Variants in FBXL7 observed in about 807,000 individuals in gnomAD.
The protein encoded by FBXL7 is F-box/LRR-repeat protein 7.
Under a neutral mutation model 38.3 loss-of-function variants are expected in FBXL7, and 12 were observed. That is an observed-to-expected ratio of 0.31 (90% CI 0.20 to 0.51). The LOEUF (loss-of-function observed/expected upper bound fraction) is 0.51. Ranked by LOEUF, FBXL7 falls within the 20% of genes least tolerant of loss-of-function variation. The probability of loss-of-function intolerance (pLI) is 0.98; values close to 1 mark genes in which losing one functional copy is unlikely to be tolerated. For synonymous variants in FBXL7, 297 were observed against 300.9 expected, an observed-to-expected ratio of 0.99 and a Z score of 0.13; for missense variants, 567 against 676.4, an observed-to-expected ratio of 0.84 and a Z score of 1.79.
intron 2 of FBXL7, among the ~76,000 whole-genome samples, chr5:15,725,926 T>C (rs1478073283): frequency 6.6e-6 from 1 of 152,198 alleles, no homozygotes; most frequent in Admixed American, 6.5e-5. Flanking sequence ...TACTGACTTA[T>C]CCTGTCTGGT....
At chr5:15,653,275 T>G (rs1741770679) in intron 2 of FBXL7, among the ~76,000 whole-genome samples, 1 of 152,204 alleles carries the variant, frequency 6.6e-6, no homozygotes, top group Admixed American at 6.5e-5. Flanking sequence ...GACTTGCTAA[T>G]GTAGGGTTGC....
chr5:15,598,373 C>G (rs1739687006), intron 1 of FBXL7, among the ~76,000 whole-genome samples: 1 of 152,172 alleles, frequency 6.6e-6, no homozygotes, highest in South Asian at 2.1e-4. Context: ...AAAAAATGCT[C>G]TTTTCATATG....
chr5:15,877,003 A>G (rs768977353), intron 2 of FBXL7, among the ~76,000 whole-genome samples: 1 of 152,216 alleles, frequency 6.6e-6, no homozygotes, highest in Admixed American at 6.6e-5. Context: ...AATATTTAAC[A>G]TCACTGTGAA....
intron 2 of FBXL7, among the ~76,000 whole-genome samples, chr5:15,639,598 GTCTT>G (rs1176894144): frequency 6.6e-6 from 1 of 151,956 alleles, no homozygotes; most frequent in Non-Finnish European, 1.5e-5. Context: ...TCTCGGGTGT[GTCTT>G]TATTAGCAGT....
chr5:15,632,356 T>C (rs1193442651), intron 2 of FBXL7, among the ~76,000 whole-genome samples: 3 of 152,306 alleles, frequency 2.0e-5, no homozygotes, highest in Admixed American at 6.5e-5. Flanking sequence ...AAATATTTTA[T>C]TGAAACATCT....
chr5:15,755,432 C>T (rs1378840944), intron 2 of FBXL7, among the ~76,000 whole-genome samples: 2 of 152,016 alleles, frequency 1.3e-5, no homozygotes. Context: ...GTGATTTTCT[C>T]TCTCTCTCTT....
intron 2 of FBXL7, among the ~76,000 whole-genome samples, chr5:15,638,869 C>G (rs898118284): frequency 2.6e-5 from 4 of 152,182 alleles, no homozygotes; most frequent in African/African-American, 9.7e-5. Flanking sequence ...CTTTGTGATA[C>G]TAGAAACTAG....
At chr5:15,830,225 T>C (rs1738416705) in intron 2 of FBXL7, among the ~76,000 whole-genome samples, 1 of 152,140 alleles carries the variant, frequency 6.6e-6, no homozygotes, top group Non-Finnish European at 1.5e-5. Flanking sequence ...GGCTCACACC[T>C]GTAACCCCAG....
At position 15,519,261 on chromosome 5, in the gene FBXL7, G is replaced by A. The variant is rs375433842; in HGVS notation, c.37+18548G>A. On this transcript the variant is annotated intron_variant, in intron 1 of 3. Coordinates refer to ENST00000504595, the MANE Select transcript of FBXL7 (RefSeq NM_012304.5). ...TAGAGGCTGAGGCCGGAGAATCCCTGGAACCTGGGAGGTGGAGGCTGCAGT... is the reference window on the plus strand; with the variant it reads ...TAGAGGCTGAGGCCGGAGAATCCCTAGAACCTGGGAGGTGGAGGCTGCAGT... Among the ~76,000 whole-genome samples the A allele has an allele frequency of 1.2e-4, 18 of 152,066 alleles. No homozygotes were observed. The East Asian group carries it at 2.7e-3, about 23-fold the overall frequency.
chr5:15,701,740 A>G (rs1379109215), intron 2 of FBXL7, among the ~76,000 whole-genome samples: 1 of 152,226 alleles, frequency 6.6e-6, no homozygotes, highest in Non-Finnish European at 1.5e-5. Flanking sequence ...GGAAAGTAAG[A>G]CACCCTTCAT....
At chr5:15,578,353 G>A (rs1177711021) in intron 1 of FBXL7, among the ~76,000 whole-genome samples, 7 of 152,176 alleles carry the variant, frequency 4.6e-5, no homozygotes, top group African/African-American at 1.4e-4. Flanking sequence ...TTAGGATGTC[G>A]CTCCCAAGAG....
chr5:15,879,782 T>C (rs1740363434), intron 2 of FBXL7, among the ~76,000 whole-genome samples: 1 of 152,066 alleles, frequency 6.6e-6, no homozygotes, highest in African/African-American at 2.4e-5. Context: ...CTAGAGTGAG[T>C]ACATGAGATG....
intron 2 of FBXL7, among the ~76,000 whole-genome samples, chr5:15,830,713 G>T (rs1455516625): frequency 6.6e-6 from 1 of 152,080 alleles, no homozygotes; most frequent in Non-Finnish European, 1.5e-5. Context: ...TAGTGAGGTT[G>T]AACCTTTTCT....
In FBXL7 at chr5:15,500,467, C is replaced by G. The variant is rs962580230; in HGVS notation, c.-210C>G. On this transcript the variant is annotated 5_prime_UTR_variant, in exon 1 of 4. Coordinates refer to ENST00000504595, the MANE Select transcript of FBXL7 (RefSeq NM_012304.5). ...TAAGTGCTGCAGCTGTGCCCGGCCCCGCCTGGAGCCACCGGGGGTGCCAGG... is the reference window on the plus strand; with the variant it reads ...TAAGTGCTGCAGCTGTGCCCGGCCCGGCCTGGAGCCACCGGGGGTGCCAGG... The G allele has an allele frequency of 9.3e-6, 6 of 643,860 alleles. No individual in the cohort carries two copies. In the African/African-American group the frequency reaches 9.6e-5, roughly 10 times the overall value. The allele number at this position is 643,860 out of a possible 1,614,324, so 39.9% of individuals were successfully genotyped here. A position where few individuals can be genotyped will look rare whatever the true frequency, so the allele number is the denominator to read the frequency against.
chr5:15,588,678 C>A (rs1409181652), intron 1 of FBXL7, among the ~76,000 whole-genome samples: 1 of 152,124 alleles, frequency 6.6e-6, no homozygotes, highest in African/African-American at 2.4e-5. Flanking sequence ...TGAGCCACCG[C>A]GCCCGGCCGC....
At chr5:15,717,999 T>A (rs1744090874) in intron 2 of FBXL7, among the ~76,000 whole-genome samples, 1 of 152,230 alleles carries the variant, frequency 6.6e-6, no homozygotes. Flanking sequence ...AATTATTAAC[T>A]TTTCTGCATG....
chr5:15,855,388 G>A (rs952473364), intron 2 of FBXL7, among the ~76,000 whole-genome samples: 1 of 151,986 alleles, frequency 6.6e-6, no homozygotes, highest in Non-Finnish European at 1.5e-5. Context: ...TTCACTATGT[G>A]GTGCTTTACT....
At chr5:15,646,070 C>T (rs1741524638) in intron 2 of FBXL7, among the ~76,000 whole-genome samples, 1 of 152,160 alleles carries the variant, frequency 6.6e-6, no homozygotes, top group South Asian at 2.1e-4. Context: ...GGTTAAGCCA[C>T]CAACCTCTCT....
chr5:15,610,778 T>C (rs1740205817), intron 1 of FBXL7, among the ~76,000 whole-genome samples: 1 of 152,214 alleles, frequency 6.6e-6, no homozygotes, highest in South Asian at 2.1e-4. Flanking sequence ...ATTTGTTGGG[T>C]ATTTCCTAGG....
Sources: allele counts gnomAD v4.1 joint callset (sites outside exome capture counted in the v4.1 genomes callset), GRCh38; gene constraint gnomAD v4.1.1; transcripts MANE v1.5; gene names NCBI Gene and HGNC (gene_info 2026-07-23, HGNC 2026-07-21).